EPHA6: variants seen among roughly 807,000 people sequenced by gnomAD.
The protein encoded by EPHA6 is ephrin type-A receptor 6.
A neutral mutation model predicts 112.0 loss-of-function variants in EPHA6; 50 were observed. That is an observed-to-expected ratio of 0.45 (90% CI 0.36 to 0.56). The LOEUF (loss-of-function observed/expected upper bound fraction) is 0.56. EPHA6 is among the 20% of genes least tolerant of loss of function. The probability of loss-of-function intolerance (pLI) is 0.00; values close to 1 mark genes in which losing one functional copy is unlikely to be tolerated. For missense variants in EPHA6, 1,280 were observed against 1,417.4 expected, an observed-to-expected ratio of 0.90 and a Z score of 1.56; for synonymous variants, 529 against 490.7, an observed-to-expected ratio of 1.08 and a Z score of -1.03.
At chr3:96,926,164 T>C (rs982261118) in intron 2 of EPHA6, among the ~76,000 whole-genome samples, 8 of 152,224 alleles carry the variant, frequency 5.3e-5, no homozygotes, top group African/African-American at 1.4e-4. Context: ...GAAGCAAGCA[T>C]GTCTTACATG....
In EPHA6 at chr3:96,917,929, C is replaced by A. The variant is rs113762528; in HGVS notation, c.450+51040C>A. Reference sequence around the variant, plus strand: ...AACCAAAATGAAAATTCTGAAGTGACAGATAAGGAATTTGAAAGATGGACT... The same window carrying A: ...AACCAAAATGAAAATTCTGAAGTGAAAGATAAGGAATTTGAAAGATGGACT... On this transcript the variant is annotated intron_variant, in intron 2 of 17. Transcript: ENST00000389672. 9.0e-3 allele frequency among the ~76,000 whole-genome samples: 1,369 copies of A among 152,148 alleles called. 16 individuals are homozygous for A. Among genetic ancestry groups the A allele is most frequent in the Non-Finnish European group, 0.013 (900 of 67,992 alleles).
At chr3:97,599,941 C>A (rs1267513464) in intron 12 of EPHA6, among the ~76,000 whole-genome samples, 2 of 152,032 alleles carry the variant, frequency 1.3e-5, no homozygotes, top group East Asian at 1.9e-4. Context: ...CTTTTATTTC[C>A]TTGAGCAGTG....
chr3:97,219,450 T>A (rs774377735), intron 3 of EPHA6, among the ~76,000 whole-genome samples: 1 of 152,188 alleles, frequency 6.6e-6, no homozygotes, highest in Non-Finnish European at 1.5e-5. Flanking sequence ...TCAGTTCTTG[T>A]CTTCTGTGCA....
chr3:97,058,625 G>T (rs1308479650), intron 3 of EPHA6, among the ~76,000 whole-genome samples: 1 of 152,028 alleles, frequency 6.6e-6, no homozygotes, highest in Admixed American at 6.6e-5. Flanking sequence ...TTTTAATCAA[G>T]TTCTTTTATT....
chr3:97,257,455 A>G (rs948789161), intron 5 of EPHA6, among the ~76,000 whole-genome samples: 2 of 152,054 alleles, frequency 1.3e-5, no homozygotes, highest in African/African-American at 4.8e-5. Context: ...CTTGCTGCAA[A>G]TCAGAGAAAT....
intron 3 of EPHA6, among the ~76,000 whole-genome samples, chr3:97,046,396 A>G (rs1177688690): frequency 1.3e-5 from 2 of 152,180 alleles, no homozygotes; most frequent in East Asian, 3.9e-4. Context: ...CTGTTGGCAA[A>G]GTAAAAATAG....
At chr3:97,250,143 T>A (rs950290507) in intron 5 of EPHA6, among the ~76,000 whole-genome samples, 1 of 152,212 alleles carries the variant, frequency 6.6e-6, no homozygotes, top group African/African-American at 2.4e-5. Flanking sequence ...AAGCCTTAAA[T>A]TCAAGCAGGA....
At chr3:97,121,297 G>A (rs912654431) in intron 3 of EPHA6, among the ~76,000 whole-genome samples, 9 of 151,974 alleles carry the variant, frequency 5.9e-5, no homozygotes, top group African/African-American at 9.7e-5. Context: ...CCAGCTGGGC[G>A]GTTGTCTAAA....
intron 3 of EPHA6, among the ~76,000 whole-genome samples, chr3:97,219,554 A>G (rs2078131704): frequency 6.6e-6 from 1 of 152,122 alleles, no homozygotes; most frequent in Non-Finnish European, 1.5e-5. Flanking sequence ...CCTTTTAGCC[A>G]TGGCTGAAGC....
At chr3:97,287,165 ATG>A (rs2080496397) in intron 5 of EPHA6, among the ~76,000 whole-genome samples, 4 of 152,112 alleles carry the variant, frequency 2.6e-5, no homozygotes, top group African/African-American at 9.7e-5. Context: ...GTATTTTTAT[ATG>A]TAAAATTTTG....
At chr3:97,053,759 A>G (rs929822634) in intron 3 of EPHA6, among the ~76,000 whole-genome samples, 1 of 152,100 alleles carries the variant, frequency 6.6e-6, no homozygotes, top group Non-Finnish European at 1.5e-5. Flanking sequence ...CTTCCATTTT[A>G]CATTTATCCG....
Position 97,742,622 on chromosome 3 carries a change from T to C in EPHA6, c.3129-4801T>C, listed in dbSNP as rs955068752. Among the ~76,000 whole-genome samples, 13 of 152,262 alleles carry C rather than the reference T, an allele frequency of 8.5e-5. No homozygotes were observed. The East Asian group carries it at 2.3e-3, about 27-fold the overall frequency. ...ATTAATGTCCTTAACACTGTGGAGT[T>C]AGACTGTTTGAAACAAATATATATT... On this transcript the variant is annotated intron_variant, in intron 16 of 17. Transcript: ENST00000389672.
At chr3:96,938,240 G>A (rs1257141748) in intron 2 of EPHA6, among the ~76,000 whole-genome samples, 2 of 152,176 alleles carry the variant, frequency 1.3e-5, no homozygotes, top group African/African-American at 4.8e-5. Context: ...CAACCCATGA[G>A]CATGGAATGT....
At chr3:97,450,817 G>GT (rs1229244823) in intron 7 of EPHA6, among the ~76,000 whole-genome samples, 1 of 151,996 alleles carries the variant, frequency 6.6e-6, no homozygotes, top group Non-Finnish European at 1.5e-5. Context: ...GTTTCAGTCT[G>GT]TATTTCTGTG....
chr3:97,230,041 A>G (rs902371704), intron 4 of EPHA6, among the ~76,000 whole-genome samples: 2 of 152,158 alleles, frequency 1.3e-5, no homozygotes, highest in African/African-American at 4.8e-5. Flanking sequence ...TATATATAGT[A>G]TGGACAACAT....
chr3:96,957,032 CAA>C (rs60528834), intron 2 of EPHA6, among the ~76,000 whole-genome samples: 1,482 of 95,322 alleles, frequency 0.016, 21 homozygotes, highest in African/African-American at 0.034. Context: ...AAACTTGTCT[CAA>C]AAAAAAAAAA....
chr3:97,001,247 C>T (rs1426499950), intron 3 of EPHA6, among the ~76,000 whole-genome samples: 1 of 151,638 alleles, frequency 6.6e-6, no homozygotes, highest in Non-Finnish European at 1.5e-5. Flanking sequence ...TCTGCAATAA[C>T]AGTTCATGCA....
At chr3:97,627,983 A>G (rs182883502) in intron 13 of EPHA6, among the ~76,000 whole-genome samples, 10 of 152,132 alleles carry the variant, frequency 6.6e-5, no homozygotes, top group African/African-American at 2.4e-4. Flanking sequence ...GTAGGCCATT[A>G]TAATGACTTT....
At position 97,264,609 on chromosome 3, in the gene EPHA6, G is replaced by C. The variant is rs184085350; in HGVS notation, c.1606+20322G>C. Among the ~76,000 whole-genome samples the C allele has an allele frequency of 2.2e-3, 331 of 152,330 alleles. 2 individuals carry two copies. The highest frequency in any genetic ancestry group is 7.7e-3 in the African/African-American group (319 of 41,574). On this transcript the variant is annotated intron_variant, in intron 5 of 17. Transcript: ENST00000389672. ...TCTTAGCCCACAATATGGTGATCAA[G>C]GGGCATGTTTCAGCCCAGTTTGTGA...
Sources: allele counts gnomAD v4.1 joint callset (sites outside exome capture counted in the v4.1 genomes callset), GRCh38; gene constraint gnomAD v4.1.1; transcripts MANE v1.5; gene names NCBI Gene and HGNC (gene_info 2026-07-23, HGNC 2026-07-21).